Variants in DPF3 observed in about 807,000 individuals in gnomAD.
DPF3 encodes double PHD fingers 3.
Under a neutral mutation model 56.8 loss-of-function variants are expected in DPF3, and 18 were observed. That is an observed-to-expected ratio of 0.32 (90% CI 0.22 to 0.47). The LOEUF (loss-of-function observed/expected upper bound fraction) is 0.47, where lower values mean the gene tolerates loss of function less well. DPF3 is among the 20% of genes least tolerant of loss of function. The pLI is 1.00. For synonymous variants in DPF3, 188 were observed against 180.2 expected, an observed-to-expected ratio of 1.04 and a Z score of -0.35; for missense variants, 403 against 488.8, an observed-to-expected ratio of 0.82 and a Z score of 1.65.
At chr14:72,780,089 A>T (rs1192716601) in intron 1 of DPF3, among the ~76,000 whole-genome samples, 2 of 152,200 alleles carry the variant, frequency 1.3e-5, no homozygotes, top group Non-Finnish European at 2.9e-5. Flanking sequence ...TGAATGAATG[A>T]ATCCTCCTCT....
At chr14:72,694,144 T>C (rs969152504) in intron 6 of DPF3, among the ~76,000 whole-genome samples, 1 of 152,224 alleles carries the variant, frequency 6.6e-6, no homozygotes, top group Non-Finnish European at 1.5e-5. Flanking sequence ...TCTGGCTAAA[T>C]GGCTCAAGGT....
chr14:72,775,960 G>A (rs2139952519), intron 1 of DPF3, among the ~76,000 whole-genome samples: 1 of 148,912 alleles, frequency 6.7e-6, no homozygotes, highest in East Asian at 2.0e-4. Context: ...GAGGACAAAT[G>A]TCCTTTCCAA....
intron 1 of DPF3, among the ~76,000 whole-genome samples, chr14:72,878,475 G>A (rs1333191231): frequency 6.6e-6 from 1 of 152,174 alleles, no homozygotes. Flanking sequence ...ACAGTGACTG[G>A]ACTAAAGCTC....
At chr14:72,866,821 A>C (rs1475888210) in intron 1 of DPF3, among the ~76,000 whole-genome samples, 1 of 150,006 alleles carries the variant, frequency 6.7e-6, no homozygotes, top group Admixed American at 6.6e-5. Flanking sequence ...GCACCATTGC[A>C]CTCCAGCCTG....
At chr14:72,663,037 C>T (rs541866817) in intron 8 of DPF3, among the ~76,000 whole-genome samples, 2 of 151,692 alleles carry the variant, frequency 1.3e-5, no homozygotes, top group Non-Finnish European at 2.9e-5. Context: ...GTGTGTCCAG[C>T]GCCTTGAACT....
At chr14:72,888,038 G>A (rs1473586518) in intron 1 of DPF3, among the ~76,000 whole-genome samples, 1 of 152,088 alleles carries the variant, frequency 6.6e-6, no homozygotes, top group Non-Finnish European at 1.5e-5. Context: ...GGGAGGAGAG[G>A]GTGCAAAGTG....
At chr14:72,893,503 A>C (rs1010079347) in intron 1 of DPF3, among the ~76,000 whole-genome samples, 1 of 152,076 alleles carries the variant, frequency 6.6e-6, no homozygotes, top group Non-Finnish European at 1.5e-5. Flanking sequence ...AGGTTTGCAC[A>C]AACTCCCCGC....
At chr14:72,767,175 G>A (rs1344519835) in intron 2 of DPF3, among the ~76,000 whole-genome samples, 3 of 152,180 alleles carry the variant, frequency 2.0e-5, no homozygotes, top group African/African-American at 7.2e-5. Context: ...TACTAGCATA[G>A]CTTGAAAGGA....
intron 7 of DPF3, among the ~76,000 whole-genome samples, chr14:72,674,989 A>T (rs570949014): frequency 6.6e-6 from 1 of 152,316 alleles, no homozygotes; most frequent in East Asian, 1.9e-4. Flanking sequence ...TGATCATGGA[A>T]AGTGCCCAAG....
At position 72,611,519 on chromosome 14, in the gene DPF3, C is replaced by A. The variant is rs1034315749; in HGVS notation, c.*7778G>T. On this transcript the variant is annotated 3_prime_UTR_variant, in exon 11 of 11. Coordinates refer to ENST00000556509, the MANE Select transcript of DPF3 (RefSeq NM_001280542.3). ...AATCTGTACTTGAAGCCCCCACCCC[C>A]CCAGTCCCGCTCTCTGCTTTCTCTA... Among the ~76,000 whole-genome samples the A allele has an allele frequency of 2.0e-5, 3 of 152,176 alleles. No individual in the cohort carries two copies. Among genetic ancestry groups the A allele is most frequent in the Non-Finnish European group, 4.4e-5 (3 of 68,028 alleles).
chr14:72,846,136 A>T (rs1404297887), intron 1 of DPF3, among the ~76,000 whole-genome samples: 1 of 102,982 alleles, frequency 9.7e-6, no homozygotes, highest in African/African-American at 3.5e-5. Flanking sequence ...TATTTGAGAC[A>T]GTCTCCTTCT....
chr14:72,880,719 A>G (rs990129053), intron 1 of DPF3, among the ~76,000 whole-genome samples: 1 of 151,854 alleles, frequency 6.6e-6, no homozygotes, highest in Admixed American at 6.6e-5. Flanking sequence ...ACCACACCCA[A>G]CTAGTTTTTC....
intron 3 of DPF3, among the ~76,000 whole-genome samples, chr14:72,741,726 G>T (rs1036970214): frequency 9.8e-5 from 15 of 152,352 alleles, no homozygotes; most frequent in African/African-American, 3.4e-4. Context: ...GGGTGCTAGG[G>T]ATACAGATGA....
intron 1 of DPF3, among the ~76,000 whole-genome samples, chr14:72,812,646 C>T (rs1567241499): frequency 1.3e-5 from 2 of 152,056 alleles, no homozygotes; most frequent in African/African-American, 4.8e-5. Flanking sequence ...GGGCAGGGCT[C>T]AGCAGGGCAT....
chr14:72,851,057 A>G (rs2140083766), intron 1 of DPF3, among the ~76,000 whole-genome samples: 1 of 152,344 alleles, frequency 6.6e-6, no homozygotes, highest in South Asian at 2.1e-4. Flanking sequence ...AGCCAGGAAT[A>G]TAACTTAGAA....
chr14:72,793,611 C>T (rs2139987456), intron 1 of DPF3, among the ~76,000 whole-genome samples: 1 of 152,284 alleles, frequency 6.6e-6, no homozygotes, highest in African/African-American at 2.4e-5. Flanking sequence ...AACAAGCCGG[C>T]ATCCAACATC....
chr14:72,617,652 T>C lies in DPF3; in HGVS notation c.*1645A>G, dbSNP rs1457371062. 6.6e-6 allele frequency among the ~76,000 whole-genome samples: 1 copy of C among 152,150 alleles called. No individual in the cohort carries two copies. Among genetic ancestry groups the C allele is most frequent in the Non-Finnish European group, 1.5e-5 (1 of 68,024 alleles). ...GAAGCGTGGGGGAGACCCACACTGC[T>C]TGGTTTCATGCCAGGCTGCCCTGGG... On this transcript the variant is annotated 3_prime_UTR_variant, in exon 11 of 11. Coordinates refer to ENST00000556509, the MANE Select transcript of DPF3 (RefSeq NM_001280542.3).
At chr14:72,864,154 A>C (rs1885568427) in intron 1 of DPF3, among the ~76,000 whole-genome samples, 3 of 137,016 alleles carry the variant, frequency 2.2e-5, no homozygotes, top group African/African-American at 2.7e-5. Flanking sequence ...CCCCATACAC[A>C]CTCCCCAGGG....
At chr14:72,789,294 A>G (rs1048566725) in intron 1 of DPF3, among the ~76,000 whole-genome samples, 2 of 151,794 alleles carry the variant, frequency 1.3e-5, no homozygotes, top group African/African-American at 4.8e-5. Context: ...TGCTACTACT[A>G]CCCCTCATTA....
Sources: gnomAD v4.1 joint callset for allele counts (sites outside exome capture counted in the v4.1 genomes callset) on GRCh38, gnomAD v4.1.1 for gene constraint, MANE v1.5 for transcripts, NCBI Gene and HGNC (gene_info 2026-07-23, HGNC 2026-07-21) for gene names.